Variants in CERKL observed in about 807,000 individuals in gnomAD.
The protein encoded by CERKL is ceramide kinase-like protein.
Under a neutral mutation model 63.4 loss-of-function variants are expected in CERKL, and 61 were observed. That is an observed-to-expected ratio of 0.96 (90% CI 0.78 to 1.19). CERKL has a LOEUF of 1.19. Among genes scored for constraint, CERKL ranks in the 50% most tolerant of loss-of-function variants. CERKL has a pLI of 0.00. For missense variants in CERKL, 675 were observed against 655.5 expected (o/e 1.03, Z -0.33); for synonymous variants, 250 against 230.5 (o/e 1.08, Z -0.77).
In CERKL at chr2:181,537,977, A is replaced by C; in HGVS notation, c.*207T>G. 1.5e-6 allele frequency: 1 copy of C among 663,228 alleles called. No homozygotes were observed. The highest frequency in any genetic ancestry group is 2.8e-6 in the Non-Finnish European group (1 of 354,518). The allele number at this position is 663,228 out of a possible 1,614,324, so 41.1% of individuals were successfully genotyped here. On this transcript the variant is annotated 3_prime_UTR_variant, in exon 13 of 13. Transcript: ENST00000410087. ...CATATGGTGAACTGGTATGTGAGGG[A>C]TCTAGAGTGCCATGTTCCTCAAGAG...
At chr2:181,559,903 T>C (rs566225099) in intron 4 of CERKL, among the ~76,000 whole-genome samples, 1 of 152,290 alleles carries the variant, frequency 6.6e-6, no homozygotes, top group Non-Finnish European at 1.5e-5. Context: ...AAGGCTACTC[T>C]GGTTAGAAGA....
intron 3 of CERKL, among the ~76,000 whole-genome samples, chr2:181,570,029 G>C (rs1444891888): frequency 6.6e-6 from 1 of 152,098 alleles, no homozygotes; most frequent in Admixed American, 6.6e-5. Context: ...TGAATATTTT[G>C]AAAGTATGAA....
At chr2:181,574,839 A>T (rs1333352297) in intron 2 of CERKL, among the ~76,000 whole-genome samples, 1 of 152,168 alleles carries the variant, frequency 6.6e-6, no homozygotes, top group Non-Finnish European at 1.5e-5. Flanking sequence ...TAGAGAGAAT[A>T]TTTTACTTCT....
At chr2:181,589,369 A>G (rs918310443) in intron 2 of CERKL, among the ~76,000 whole-genome samples, 1 of 152,186 alleles carries the variant, frequency 6.6e-6, no homozygotes. Flanking sequence ...GAAAGTATAT[A>G]TTTCAAGTAC....
chr2:181,556,895 T>C (rs2105817339), intron 5 of CERKL, among the ~76,000 whole-genome samples: 1 of 152,332 alleles, frequency 6.6e-6, no homozygotes, highest in East Asian at 1.9e-4. Flanking sequence ...CCACATCCTC[T>C]CCAGCACCTG....
chr2:181,610,233 A>G (rs1228692402), intron 1 of CERKL, among the ~76,000 whole-genome samples: 1 of 152,250 alleles, frequency 6.6e-6, no homozygotes, highest in Non-Finnish European at 1.5e-5. Flanking sequence ...AAATTGACCA[A>G]TGAACAAATG....
At chr2:181,626,074 C>T (rs1051550195) in intron 1 of CERKL, among the ~76,000 whole-genome samples, 1 of 152,072 alleles carries the variant, frequency 6.6e-6, no homozygotes, top group Non-Finnish European at 1.5e-5. Context: ...AAATAGCTTG[C>T]CCCAGTCTCA....
chr2:181,605,718 T>C (rs184137159), intron 1 of CERKL, among the ~76,000 whole-genome samples: 99 of 152,092 alleles, frequency 6.5e-4, no homozygotes, highest in African/African-American at 1.9e-3. Context: ...TAATCCAAAA[T>C]CACTAGACAA....
intron 11 of CERKL, among the ~76,000 whole-genome samples, chr2:181,542,724 T>G (rs1687563842): frequency 6.6e-6 from 1 of 152,174 alleles, no homozygotes; most frequent in Admixed American, 6.5e-5. Context: ...AACTGTTTCT[T>G]GTGTCAAAAG....
chr2:181,581,415 T>C (rs1684505716), intron 2 of CERKL, among the ~76,000 whole-genome samples: 1 of 152,232 alleles, frequency 6.6e-6, no homozygotes, highest in Non-Finnish European at 1.5e-5. Context: ...ACTACTTTAA[T>C]GTCACAAGGT....
At chr2:181,619,964 T>C (rs1686376666) in intron 1 of CERKL, among the ~76,000 whole-genome samples, 1 of 152,246 alleles carries the variant, frequency 6.6e-6, no homozygotes. Flanking sequence ...AAGGTAAGTC[T>C]GAAAGTTTAC....
chr2:181,613,787 A>G (rs1413222880), intron 1 of CERKL, among the ~76,000 whole-genome samples: 9 of 152,184 alleles, frequency 5.9e-5, no homozygotes, highest in Non-Finnish European at 2.9e-5. Context: ...AATCTGATCT[A>G]TTACTCATTT....
At chr2:181,546,607 G>A (rs899809673) in intron 10 of CERKL, among the ~76,000 whole-genome samples, 6 of 152,090 alleles carry the variant, frequency 3.9e-5, no homozygotes, top group East Asian at 1.9e-4. Flanking sequence ...ATATTTCCCC[G>A]TTTATTGCCT....
intron 1 of CERKL, among the ~76,000 whole-genome samples, chr2:181,656,357 A>T (rs1688154167): frequency 6.6e-6 from 1 of 152,218 alleles, no homozygotes; most frequent in Non-Finnish European, 1.5e-5. Flanking sequence ...TTATAGTTTC[A>T]ATGTACCATC....
chr2:181,622,668 C>T (rs1686507347), intron 1 of CERKL, among the ~76,000 whole-genome samples: 1 of 152,136 alleles, frequency 6.6e-6, no homozygotes, highest in African/African-American at 2.4e-5. Context: ...GATCACATGT[C>T]ATCTTTTTAA....
At chr2:181,597,148 A>G (rs1387109279) in intron 2 of CERKL, among the ~76,000 whole-genome samples, 1 of 152,180 alleles carries the variant, frequency 6.6e-6, no homozygotes, top group Admixed American at 6.5e-5. Flanking sequence ...TCAAATCTCA[A>G]ACTAACATGC....
chr2:181,613,641 TTTAG>T (rs1310080173), intron 1 of CERKL, among the ~76,000 whole-genome samples: 1 of 152,212 alleles, frequency 6.6e-6, no homozygotes, highest in Non-Finnish European at 1.5e-5. Flanking sequence ...AGAAGAAATA[TTTAG>T]TTCTTATTTG....
chr2:181,604,171 C>A lies in CERKL; in HGVS notation c.239-92G>T, dbSNP rs939365097. On this transcript the variant is annotated intron_variant, in intron 1 of 12. Transcript: ENST00000410087. ...GGCTTACCAGAGGGTAGAAAGTGAG[C>A]AAAGGGAGAGGATCAAGAAAAATAA... is the stretch of plus-strand genomic sequence containing the variant. 20 of 1,032,286 alleles carry A rather than the reference C, an allele frequency of 1.9e-5. No individual in the cohort carries two copies. In the East Asian group the frequency reaches 3.6e-4, roughly 18 times the overall value. 63.9% of individuals were successfully genotyped at this position (1,032,286 alleles called of 1,614,324 possible). A position where few individuals can be genotyped will look rare whatever the true frequency, so the allele number is the denominator to read the frequency against.
chr2:181,549,826 T>C lies in CERKL; in HGVS notation c.821-118A>G, dbSNP rs570564795. On this transcript the variant is annotated intron_variant, in intron 5 of 12. Transcript: ENST00000410087. Reference sequence around the variant, plus strand: ...TTCAGATGAAAAATAAACGAGAATTTATAAAATCAGGAAAGTTAATGTGAA... The same window carrying C: ...TTCAGATGAAAAATAAACGAGAATTCATAAAATCAGGAAAGTTAATGTGAA... The C allele has an allele frequency of 1.0e-4, 77 of 760,298 alleles. No individual in the cohort carries two copies. The South Asian group carries it at 1.0e-3, about 10-fold the overall frequency. The allele number at this position is 760,298 out of a possible 1,614,324, so 47.1% of individuals were successfully genotyped here.
Sources: gnomAD v4.1 joint callset for allele counts (sites outside exome capture counted in the v4.1 genomes callset) on GRCh38, gnomAD v4.1.1 for gene constraint, MANE v1.5 for transcripts, NCBI Gene and HGNC (gene_info 2026-07-23, HGNC 2026-07-21) for gene names.